CNTNAP3B: variants seen among roughly 807,000 people sequenced by gnomAD.
CNTNAP3B encodes contactin-associated protein-like 3B.
Under a neutral mutation model 108.9 loss-of-function variants are expected in CNTNAP3B, and 25 were observed. The ratio of observed to expected loss-of-function variants is 0.23; its 90% CI spans 0.17 to 0.32. The LOEUF (loss-of-function observed/expected upper bound fraction) is 0.32, where lower values mean the gene tolerates loss of function less well. CNTNAP3B is among the 10% of genes least tolerant of loss of function. The pLI is 1.00. For synonymous variants in CNTNAP3B, 103 were observed against 473.4 expected (o/e 0.22, Z 10.16); for missense variants, 252 against 1,210.4 (o/e 0.21, Z 11.75).
chr9:42,097,960 T>A (rs1450017775), intron 2 of CNTNAP3B, among the ~76,000 whole-genome samples: 1 of 137,242 alleles, frequency 7.3e-6, no homozygotes, highest in African/African-American at 2.9e-5. Flanking sequence ...GAGGGGGAGA[T>A]CCATGGAAAT....
chr9:41,949,370 T>C (rs1359572946), intron 13 of CNTNAP3B, among the ~76,000 whole-genome samples: 2 of 90,044 alleles, frequency 2.2e-5, no homozygotes, highest in African/African-American at 4.2e-5. Context: ...TCTAGCAAGA[T>C]GTTTGTAGAC....
In CNTNAP3B at chr9:42,053,433, G is replaced by T. The variant is rs561705898; in HGVS notation, c.390+23436C>A. Among the ~76,000 whole-genome samples, 4 of 134,264 alleles carry T rather than the reference G, an allele frequency of 3.0e-5. No homozygotes were observed. In the East Asian group the frequency reaches 9.2e-4, roughly 31 times the overall value. The allele number at this position is 134,264 out of a possible 152,430, so 88.1% of individuals were successfully genotyped here. On this transcript the variant is annotated intron_variant, in intron 3 of 23. Transcript: ENST00000377561. Reference sequence around the variant, plus strand: ...CATAGAATAATTGTAAGATAGAATGGAAAATAACTGAGTTTCAAATACTGG... The same window carrying T: ...CATAGAATAATTGTAAGATAGAATGTAAAATAACTGAGTTTCAAATACTGG...
chr9:42,036,882 G>C (rs1462168299), intron 3 of CNTNAP3B, among the ~76,000 whole-genome samples: 49 of 131,322 alleles, frequency 3.7e-4, no homozygotes, highest in East Asian at 6.7e-4. Flanking sequence ...AACATTTGCT[G>C]TTCTGCAATA....
intron 2 of CNTNAP3B, among the ~76,000 whole-genome samples, chr9:42,098,620 T>A: frequency 1.2e-5 from 1 of 83,072 alleles, no homozygotes; most frequent in East Asian, 6.4e-4. Flanking sequence ...AAAAAACAGA[T>A]AACTAAGACT....
chr9:42,072,345 CTATA>C (rs1169136329), intron 3 of CNTNAP3B, among the ~76,000 whole-genome samples: 1 of 98,466 alleles, frequency 1.0e-5, no homozygotes, highest in Non-Finnish European at 2.0e-5. Flanking sequence ...ACTACTACTA[CTATA>C]TATATATATA....
chr9:41,977,886 C>G (rs1825551933), intron 9 of CNTNAP3B, among the ~76,000 whole-genome samples: 1 of 142,626 alleles, frequency 7.0e-6, no homozygotes, highest in Non-Finnish European at 1.5e-5. Context: ...CTGCCTAGGC[C>G]TCCCAAAGTG....
chr9:42,067,277 G>T (rs1279870073), intron 3 of CNTNAP3B, among the ~76,000 whole-genome samples: 2 of 148,006 alleles, frequency 1.4e-5, no homozygotes, highest in Non-Finnish European at 3.0e-5. Flanking sequence ...TATAGTGTTT[G>T]ATACATATTC....
chr9:42,113,822 T>C (rs189792408), intron 1 of CNTNAP3B, among the ~76,000 whole-genome samples: 2 of 139,576 alleles, frequency 1.4e-5, no homozygotes, highest in African/African-American at 2.8e-5. Flanking sequence ...ACTCGAAGGA[T>C]AATTGCTTGA....
At chr9:42,089,469 C>A (rs1475268823) in intron 2 of CNTNAP3B, among the ~76,000 whole-genome samples, 2 of 138,106 alleles carry the variant, frequency 1.4e-5, no homozygotes, top group Admixed American at 7.2e-5. Flanking sequence ...TATAACAAAC[C>A]ATTTGTGGGT....
chr9:41,944,396 T>G (rs1439028150), intron 13 of CNTNAP3B, among the ~76,000 whole-genome samples: 1 of 149,646 alleles, frequency 6.7e-6, no homozygotes, highest in Non-Finnish European at 1.5e-5. Context: ...AATAATGTAA[T>G]ACAAAATAAG....
In CNTNAP3B at chr9:42,124,779, C is replaced by G. The variant is rs1228828901; in HGVS notation, c.85+4231G>C. Among the ~76,000 whole-genome samples, 3 of 128,960 alleles carry G rather than the reference C, an allele frequency of 2.3e-5. 1 individual carries two copies. The highest frequency in any genetic ancestry group is 4.9e-5 in the Non-Finnish European group (3 of 61,682). The allele number at this position is 128,960 out of a possible 152,430, so 84.6% of individuals were successfully genotyped here. ...CTTCCCAAAAAGAATGGAGAACAAT[C>G]CCAGTGCCAATTACATCTTTGTCAT... is the stretch of plus-strand genomic sequence containing the variant. On this transcript the variant is annotated intron_variant, in intron 1 of 23. Transcript: ENST00000377561.
In CNTNAP3B at chr9:42,122,047, A is replaced by G. The variant is rs1243925616; in HGVS notation, c.85+6963T>C. ...GATGTGTGCACACGCAGTGGGTTAC[A>G]TGACAAGTGAGGAGCCCTGAGCTTA... On this transcript the variant is annotated intron_variant, in intron 1 of 23. Coordinates refer to ENST00000377561, the MANE Select transcript of CNTNAP3B (RefSeq NM_001201380.3). Among the ~76,000 whole-genome samples the G allele has an allele frequency of 1.4e-5, 2 of 140,092 alleles. 1 individual carries two copies. Among genetic ancestry groups the G allele is most frequent in the African/African-American group, 5.6e-5 (2 of 35,566 alleles). 91.9% of individuals were successfully genotyped at this position (140,092 alleles called of 152,430 possible).
chr9:42,096,027 G>T lies in CNTNAP3B; in HGVS notation c.196+8602C>A, dbSNP rs575612571. Reference sequence around the variant, plus strand: ...CTGCCAGACCTCAGGCAGGAACATGGTCTTGCTCACCTGCCTTTGGTACCT... The same window carrying T: ...CTGCCAGACCTCAGGCAGGAACATGTTCTTGCTCACCTGCCTTTGGTACCT... On this transcript the variant is annotated intron_variant, in intron 2 of 23. Coordinates refer to ENST00000377561, the MANE Select transcript of CNTNAP3B (RefSeq NM_001201380.3). 2.4e-4 allele frequency among the ~76,000 whole-genome samples: 33 copies of T among 138,826 alleles called. 4 individuals are homozygous for T. Among genetic ancestry groups the T allele is most frequent in the African/African-American group, 9.5e-4 (33 of 34,896 alleles). The allele number at this position is 138,826 out of a possible 152,430, so 91.1% of individuals were successfully genotyped here.
At chr9:41,938,715 C>T (rs1159279961) in intron 13 of CNTNAP3B, among the ~76,000 whole-genome samples, 1 of 152,210 alleles carries the variant, frequency 6.6e-6, no homozygotes, top group Non-Finnish European at 1.5e-5. Flanking sequence ...AAAATTAATA[C>T]CAGGGTAATT....
chr9:41,921,374 T>C (rs918285094), intron 17 of CNTNAP3B, among the ~76,000 whole-genome samples: 18 of 152,092 alleles, frequency 1.2e-4, no homozygotes, highest in African/African-American at 4.4e-4. Context: ...TAACCACGCC[T>C]GAAGCTAGGT....
intron 1 of CNTNAP3B, among the ~76,000 whole-genome samples, chr9:42,123,433 A>G (rs1828505463): frequency 7.8e-6 from 1 of 128,304 alleles, no homozygotes; most frequent in Non-Finnish European, 1.6e-5. Context: ...TAAAACTGAT[A>G]GGTAATATTT....
chr9:42,101,995 T>C (rs1587273029), intron 2 of CNTNAP3B, among the ~76,000 whole-genome samples: 1 of 82,084 alleles, frequency 1.2e-5, no homozygotes, highest in African/African-American at 4.8e-5. Flanking sequence ...AGGCGGAGCT[T>C]GCAGTGAGCC....
chr9:42,088,330 A>C (rs1299452570), intron 2 of CNTNAP3B, among the ~76,000 whole-genome samples: 1 of 129,414 alleles, frequency 7.7e-6, no homozygotes, highest in African/African-American at 3.2e-5. Flanking sequence ...AATTTCAAAA[A>C]TTTTAAAAAT....
intron 2 of CNTNAP3B, among the ~76,000 whole-genome samples, chr9:42,095,407 G>A (rs1827879747): frequency 1.4e-5 from 2 of 139,060 alleles, no homozygotes; most frequent in South Asian, 4.6e-4. Flanking sequence ...GTAAGTACAA[G>A]CGTGGGGAAA....
Sources: allele counts gnomAD v4.1 joint callset (sites outside exome capture counted in the v4.1 genomes callset), GRCh38; gene constraint gnomAD v4.1.1; transcripts MANE v1.5; gene names NCBI Gene and HGNC (gene_info 2026-07-23, HGNC 2026-07-21).